The following ATF7IP variants were observed in gnomAD, a reference collection of about 807,000 sequenced individuals.
ATF7IP encodes activating transcription factor 7 interacting protein.
Under a neutral mutation model 106.4 loss-of-function variants are expected in ATF7IP, and 23 were observed. The ratio of observed to expected loss-of-function variants is 0.22; its 90% CI spans 0.16 to 0.31. The LOEUF is 0.31. Ranked by LOEUF, ATF7IP falls within the 10% of genes least tolerant of loss-of-function variation. The pLI is 1.00. For missense variants in ATF7IP, 1,334 were observed against 1,524.3 expected, an observed-to-expected ratio of 0.88 and a Z score of 2.08; for synonymous variants, 542 against 539.0, an observed-to-expected ratio of 1.01 and a Z score of -0.08.
intron 13 of ATF7IP, among the ~76,000 whole-genome samples, chr12:14,493,604 A>T (rs766143384): frequency 6.6e-6 from 1 of 152,200 alleles, no homozygotes; most frequent in East Asian, 1.9e-4. Flanking sequence ...AAAAAGCTTC[A>T]TCAGAATTTA....
At chr12:14,426,050 C>T (rs1426754346) in intron 2 of ATF7IP, among the ~76,000 whole-genome samples, 1 of 152,132 alleles carries the variant, frequency 6.6e-6, no homozygotes, top group African/African-American at 2.4e-5. Context: ...TTCTCTTCCT[C>T]ATTTTCTGAA....
intron 13 of ATF7IP, among the ~76,000 whole-genome samples, chr12:14,490,651 T>G (rs1251931291): frequency 6.6e-6 from 1 of 152,148 alleles, no homozygotes; most frequent in Non-Finnish European, 1.5e-5. Flanking sequence ...GGACCTAGTC[T>G]TAATCTTCCA....
At chr12:14,471,634 G>A (rs1445728194) in intron 10 of ATF7IP, among the ~76,000 whole-genome samples, 1 of 152,100 alleles carries the variant, frequency 6.6e-6, no homozygotes, top group Admixed American at 6.6e-5. Context: ...ACAAGGGGAA[G>A]CAAACATGTC....
chr12:14,494,728 T>G (rs1349894458), intron 13 of ATF7IP, among the ~76,000 whole-genome samples: 1 of 149,306 alleles, frequency 6.7e-6, no homozygotes, highest in Non-Finnish European at 1.5e-5. Flanking sequence ...AGGTCAGGAG[T>G]TCGAGATGAG....
In ATF7IP at chr12:14,460,922, T is replaced by C. The variant is rs760494021; in HGVS notation, c.2586T>C (p.Ser862=). Residue 862 remains serine, a synonymous_variant, in exon 9 of 15, where the codon AGT becomes AGC. Coordinates refer to ENST00000261168, the MANE Select transcript of ATF7IP (RefSeq NM_018179.5). ...SPSIQRNPTA[S]AAPLGTTLAV... is the part of the protein sequence containing the mutation. ...GTATTCAAAGGAACCCTACTGCCAG[T>C]GCTGCACCATTGGGAACAACACTTG... 3 of 1,614,072 alleles carry C rather than the reference T, an allele frequency of 1.9e-6. No individual in the cohort carries two copies. Among genetic ancestry groups the C allele is most frequent in the Non-Finnish European group, 2.5e-6 (3 of 1,180,046 alleles).
At chr12:14,457,708 A>G (rs1398809786) in intron 8 of ATF7IP, among the ~76,000 whole-genome samples, 1 of 152,250 alleles carries the variant, frequency 6.6e-6, no homozygotes, top group Non-Finnish European at 1.5e-5. Context: ...ACTTTTGTTT[A>G]TGTGGGTTAC....
chr12:14,494,119 T>A (rs1944917784), intron 13 of ATF7IP, among the ~76,000 whole-genome samples: 1 of 151,432 alleles, frequency 6.6e-6, no homozygotes, highest in Non-Finnish European at 1.5e-5. Flanking sequence ...TCTATACTAT[T>A]AGAATTAGAG....
At chr12:14,413,266 T>C (rs996584738) in intron 1 of ATF7IP, among the ~76,000 whole-genome samples, 3 of 152,170 alleles carry the variant, frequency 2.0e-5, no homozygotes, top group African/African-American at 7.2e-5. Context: ...AATTGCTATG[T>C]TAAATTAAGG....
At chr12:14,383,232 G>A (rs1233489046) in intron 1 of ATF7IP, among the ~76,000 whole-genome samples, 1 of 152,140 alleles carries the variant, frequency 6.6e-6, no homozygotes, top group African/African-American at 2.4e-5. Context: ...TTAGTAGCCA[G>A]CAGCTTTCTC....
At chr12:14,426,601 C>G (rs1323915363) in intron 2 of ATF7IP, among the ~76,000 whole-genome samples, 1 of 144,828 alleles carries the variant, frequency 6.9e-6, no homozygotes, top group Non-Finnish European at 1.5e-5. Context: ...CTGAGGCAGG[C>G]AGATTGCTTG....
intron 13 of ATF7IP, among the ~76,000 whole-genome samples, chr12:14,494,327 A>ATGTGTGTG (rs1288418837): frequency 8.1e-5 from 7 of 86,850 alleles, no homozygotes; most frequent in African/African-American, 2.6e-4. Flanking sequence ...ATATATATAT[A>ATGTGTGTG]TATATATGTG....
chr12:14,499,911 T>A lies in ATF7IP; in HGVS notation c.*1838T>A, dbSNP rs1243263204. On this transcript the variant is annotated 3_prime_UTR_variant, in exon 15 of 15. Transcript: ENST00000261168. ...CTCCTGTGTATCTCTCTGTTCCTCTTCAAAGTTATTAAAATTCAGCTTAGG... is the reference window on the plus strand; with the variant it reads ...CTCCTGTGTATCTCTCTGTTCCTCTACAAAGTTATTAAAATTCAGCTTAGG... The A allele has an allele frequency of 6.6e-6, 1 of 152,222 alleles. No homozygotes were observed. Among genetic ancestry groups the A allele is most frequent in the Admixed American group, 6.5e-5 (1 of 15,282 alleles). 9.4% of individuals were successfully genotyped at this position (152,222 alleles called of 1,614,324 possible). A position where few individuals can be genotyped will look rare whatever the true frequency, so the allele number is the denominator to read the frequency against.
intron 1 of ATF7IP, among the ~76,000 whole-genome samples, chr12:14,400,147 T>C (rs1444959771): frequency 6.6e-6 from 1 of 152,226 alleles, no homozygotes; most frequent in Non-Finnish European, 1.5e-5. Context: ...GCGTATCAGG[T>C]CTAAATTGAA....
rs1416664199 is a variant in ATF7IP at position 14,466,528 on chromosome 12, A to C, written c.2800A>C (p.Asn934His). ...AAATGGCTTTTTTTACTTTTCAGAA[A>C]ACCAGACAAACAAAACAATAGATGC... Reference protein sequence around the residue: ...QNSNTTPRIENQTNKTIDASV... With the variant: ...QNSNTTPRIEHQTNKTIDASV... The change falls in exon 10 of 15, where the codon AAC becomes CAC. Residue 934 changes from asparagine (N) to histidine (H), a missense_variant and splice_region_variant. By Grantham distance (68) the Asn-to-His change is moderately conservative. Transcript: ENST00000261168. 7.5e-6 allele frequency: 12 copies of C among 1,598,992 alleles called. No homozygotes were observed. The East Asian group carries it at 2.7e-4, about 36-fold the overall frequency.
At chr12:14,380,175 T>A (rs745938284) in intron 1 of ATF7IP, among the ~76,000 whole-genome samples, 2 of 152,232 alleles carry the variant, frequency 1.3e-5, no homozygotes, top group Non-Finnish European at 2.9e-5. Flanking sequence ...TAGCATTCTA[T>A]TCTTGACTCA....
At chr12:14,409,616 T>C (rs1940794106) in intron 1 of ATF7IP, among the ~76,000 whole-genome samples, 2 of 152,154 alleles carry the variant, frequency 1.3e-5, no homozygotes, top group Admixed American at 1.3e-4. Flanking sequence ...TCCTGCAAGA[T>C]GAGCATACTG....
At chr12:14,389,111 C>T (rs559682007) in intron 1 of ATF7IP, among the ~76,000 whole-genome samples, 1 of 152,292 alleles carries the variant, frequency 6.6e-6, no homozygotes, top group South Asian at 2.1e-4. Context: ...AAATGCATTT[C>T]AGTTTATTTG....
At chr12:14,389,705 G>A (rs977667242) in intron 1 of ATF7IP, among the ~76,000 whole-genome samples, 6 of 151,990 alleles carry the variant, frequency 3.9e-5, no homozygotes, top group Admixed American at 3.3e-4. Context: ...TCGGCTCACC[G>A]CAACCTCTGC....
chr12:14,384,577 G>A (rs1306220289), intron 1 of ATF7IP, among the ~76,000 whole-genome samples: 7 of 152,106 alleles, frequency 4.6e-5, no homozygotes, highest in Admixed American at 4.6e-4. Flanking sequence ...GGATGTTAAT[G>A]TTTGTGACCA....
Sources: allele counts gnomAD v4.1 joint callset (sites outside exome capture counted in the v4.1 genomes callset), GRCh38; gene constraint gnomAD v4.1.1; transcripts MANE v1.5; gene names NCBI Gene and HGNC (gene_info 2026-07-23, HGNC 2026-07-21).